Variants in HYAL4 observed in about 807,000 individuals in gnomAD.
The protein encoded by HYAL4 is hyaluronidase 4, also known as hyaluronidase-4.
A neutral mutation model predicts 35.2 loss-of-function variants in HYAL4; 37 were observed. The observed-to-expected ratio is 1.05, with a 90% CI of 0.81 to 1.38. The LOEUF (loss-of-function observed/expected upper bound fraction) is 1.38, where lower values mean the gene tolerates loss of function less well. HYAL4 is among the 40% of genes most tolerant of loss of function. The pLI is 0.00. For synonymous variants in HYAL4, 198 were observed against 203.2 expected (o/e 0.97, Z 0.22); for missense variants, 572 against 572.4 (o/e 1.00, Z 0.01).
upstream of HYAL4, among the ~76,000 whole-genome samples, chr7:123,843,209 C>G (rs1210166962): frequency 6.6e-6 from 1 of 151,972 alleles, no homozygotes; most frequent in Admixed American, 6.6e-5. Context: ...GACAAAATCT[C>G]CCAGCATTTG....
At chr7:123,816,589 A>AT in the HYAL4 span, among the ~76,000 whole-genome samples, 3 of 152,030 alleles carry the variant, frequency 2.0e-5, no homozygotes, top group Non-Finnish European at 4.4e-5. Flanking sequence ...TTGCTTTCCT[A>AT]TTTTTTGTAC....
intron 2 of HYAL4, among the ~76,000 whole-genome samples, chr7:123,849,388 C>G (rs1469668802): frequency 1.3e-5 from 2 of 151,906 alleles, no homozygotes; most frequent in East Asian, 3.9e-4. Flanking sequence ...GCAACTTCTG[C>G]CTCCTGGGTT....
intron 3 of HYAL4, 24 bp downstream of exon 3, chr7:123,869,251 TG>T: frequency 6.9e-7 from 1 of 1,451,360 alleles, no homozygotes; most frequent in Non-Finnish European, 9.4e-7. Flanking sequence ...TGTCCAATGG[TG>T]GGGGATTTCC....
At chr7:123,783,944 C>A in the HYAL4 span, among the ~76,000 whole-genome samples, 1 of 152,154 alleles carries the variant, frequency 6.6e-6, no homozygotes, top group Non-Finnish European at 1.5e-5. Flanking sequence ...CACTCCCTTT[C>A]AATAAAATAA....
chr7:123,852,267 C>T (rs919466859), intron 2 of HYAL4, among the ~76,000 whole-genome samples: 6 of 152,242 alleles, frequency 3.9e-5, no homozygotes, highest in African/African-American at 1.4e-4. Flanking sequence ...TCAATTTTGG[C>T]TTTTGTTGCC....
chr7:123,834,886 T>G (rs2116909421), intron 1 of HYAL4, among the ~76,000 whole-genome samples: 1 of 152,356 alleles, frequency 6.6e-6, no homozygotes, highest in South Asian at 2.1e-4. Flanking sequence ...TCACATTTAT[T>G]GACTTGCATA....
intron 2 of HYAL4, among the ~76,000 whole-genome samples, chr7:123,849,698 A>G (rs918965327): frequency 8.5e-5 from 13 of 152,120 alleles, no homozygotes; most frequent in Admixed American, 1.3e-4. Flanking sequence ...GACTTGAATC[A>G]TCTTCATAAT....
At chr7:123,814,563 A>C in the HYAL4 span, 2 of 152,630 alleles carry the variant, frequency 1.3e-5, no homozygotes, top group Non-Finnish European at 2.9e-5. Flanking sequence ...CCCCAATGGG[A>C]TAGAAATCAG....
chr7:123,793,515 G>T, the HYAL4 span, among the ~76,000 whole-genome samples: 3 of 152,106 alleles, frequency 2.0e-5, no homozygotes, highest in Admixed American at 2.0e-4. Flanking sequence ...GAGGGACCTG[G>T]TGGAAAATAA....
chr7:123,867,518 A>T (rs538508608), intron 2 of HYAL4, among the ~76,000 whole-genome samples: 1 of 152,204 alleles, frequency 6.6e-6, no homozygotes, highest in African/African-American at 2.4e-5. Flanking sequence ...TAAGACAAAT[A>T]TAACTTTCTT....
the HYAL4 span, among the ~76,000 whole-genome samples, chr7:123,791,816 A>C: frequency 6.6e-6 from 1 of 152,214 alleles, no homozygotes; most frequent in Non-Finnish European, 1.5e-5. Flanking sequence ...ATGTCTTAAA[A>C]AGATGCTCAA....
chr7:123,839,252 C>T (rs541235347), intron 1 of HYAL4, among the ~76,000 whole-genome samples: 1 of 151,654 alleles, frequency 6.6e-6, no homozygotes, highest in Admixed American at 6.6e-5. Context: ...TTTTCCATCC[C>T]TGTGATAGTT....
chr7:123,828,543 T>A (rs1423063063), upstream of HYAL4, among the ~76,000 whole-genome samples: 1 of 151,990 alleles, frequency 6.6e-6, no homozygotes, highest in Non-Finnish European at 1.5e-5. Flanking sequence ...ATAGGATGAC[T>A]TGGTAGTTTT....
At chr7:123,807,151 G>A in the HYAL4 span, among the ~76,000 whole-genome samples, 1 of 151,924 alleles carries the variant, frequency 6.6e-6, no homozygotes, top group South Asian at 2.1e-4. Context: ...TTATTTCTTC[G>A]AAAAGAATCT....
intron 1 of HYAL4, among the ~76,000 whole-genome samples, chr7:123,839,753 T>C (rs546316282): frequency 1.2e-4 from 18 of 152,338 alleles, no homozygotes; most frequent in Admixed American, 3.9e-4. Flanking sequence ...GAGAACTTTT[T>C]CATGTGTCTG....
chr7:123,860,129 G>A (rs562659965), intron 2 of HYAL4, among the ~76,000 whole-genome samples: 3 of 152,296 alleles, frequency 2.0e-5, no homozygotes, highest in East Asian at 3.9e-4. Context: ...GTGTTTGGAA[G>A]TTCCTCCTTC....
At chr7:123,770,808 C>T in the HYAL4 span, among the ~76,000 whole-genome samples, 13 of 152,080 alleles carry the variant, frequency 8.5e-5, no homozygotes, top group African/African-American at 3.1e-4. Flanking sequence ...TTATATATGA[C>T]ATATGCTTAA....
the HYAL4 span, among the ~76,000 whole-genome samples, chr7:123,798,808 T>G: frequency 6.6e-6 from 1 of 152,172 alleles, no homozygotes; most frequent in East Asian, 1.9e-4. Flanking sequence ...AAGTGGCATA[T>G]TTAGGATGAA....
chr7:123,763,838 A>AC, the HYAL4 span, among the ~76,000 whole-genome samples: 1 of 151,462 alleles, frequency 6.6e-6, no homozygotes, highest in African/African-American at 2.4e-5. Flanking sequence ...CCCACCTCCA[A>AC]CCCCTCACTC....
Sources: gnomAD v4.1 joint callset for allele counts (sites outside exome capture counted in the v4.1 genomes callset) on GRCh38, gnomAD v4.1.1 for gene constraint, MANE v1.5 for transcripts, NCBI Gene and HGNC (gene_info 2026-07-23, HGNC 2026-07-21) for gene names.